Variants in RGS7 observed in about 807,000 individuals in gnomAD.
RGS7 encodes the protein regulator of G protein signaling 7.
A neutral mutation model predicts 81.1 loss-of-function variants in RGS7; 27 were observed. That is an observed-to-expected ratio of 0.33 (90% CI 0.25 to 0.46). The LOEUF (loss-of-function observed/expected upper bound fraction) is 0.46, where lower values mean the gene tolerates loss of function less well. Ranked by LOEUF, RGS7 falls within the 20% of genes least tolerant of loss-of-function variation. RGS7 has a pLI of 1.00. For missense variants in RGS7, 396 were observed against 607.4 expected (o/e 0.65, Z 3.66); for synonymous variants, 208 against 207.7 (o/e 1.00, Z -0.01).
Position 240,813,608 on chromosome 1 carries a change from T to C in RGS7, c.956+10A>G. 1 of 1,534,454 alleles carries C rather than the reference T, an allele frequency of 6.5e-7. No homozygotes were observed. Among genetic ancestry groups the C allele is most frequent in the East Asian group, 2.2e-5 (1 of 44,516 alleles). ...CAACATATGGGCGAGAAAGATAAAA[T>C]GCCACCTACCTTGCCTCAAGTTCCC... On this transcript the variant is annotated intron_variant, in intron 13 of 18. Transcript: ENST00000440928.
intron 6 of RGS7, among the ~76,000 whole-genome samples, chr1:240,881,887 A>C (rs1666450490): frequency 6.6e-6 from 1 of 152,058 alleles, no homozygotes; most frequent in Non-Finnish European, 1.5e-5. Context: ...AGAAAGGTGT[A>C]CTATGAACGT....
chr1:241,123,488 C>T (rs1175431981), intron 2 of RGS7, among the ~76,000 whole-genome samples: 1 of 152,190 alleles, frequency 6.6e-6, no homozygotes, highest in Admixed American at 6.5e-5. Flanking sequence ...CGGTGGCTCA[C>T]GCCTGTAATC....
At chr1:241,195,611 A>C (rs2073010513) in intron 2 of RGS7, among the ~76,000 whole-genome samples, 1 of 152,184 alleles carries the variant, frequency 6.6e-6, no homozygotes, top group African/African-American at 2.4e-5. Flanking sequence ...CAGTGATTAA[A>C]ATGTTTAAAA....
intron 2 of RGS7, among the ~76,000 whole-genome samples, chr1:241,303,122 T>C (rs375517601): frequency 7.6e-5 from 11 of 145,620 alleles, no homozygotes; most frequent in East Asian, 1.9e-4. Context: ...CTATCTGATA[T>C]GGTTTGGATT....
intron 9 of RGS7, among the ~76,000 whole-genome samples, chr1:240,856,164 A>C (rs1000746135): frequency 6.6e-6 from 1 of 152,212 alleles, no homozygotes; most frequent in African/African-American, 2.4e-5. Flanking sequence ...TCAAGTTTTT[A>C]ATAAAATGTA....
intron 3 of RGS7, among the ~76,000 whole-genome samples, chr1:241,043,425 G>A (rs1558638763): frequency 6.6e-6 from 1 of 150,966 alleles, no homozygotes; most frequent in East Asian, 1.9e-4. Flanking sequence ...TTTGTTATTT[G>A]CATTTTTCGT....
chr1:240,936,451 CTTTAG>C (rs1211227082), intron 5 of RGS7, 144 bp downstream of exon 5: 3 of 656,720 alleles, frequency 4.6e-6, no homozygotes, highest in Admixed American at 5.1e-5. Flanking sequence ...CTTTTTATGT[CTTTAG>C]TTTAATGTTA....
chr1:241,086,655 A>C (rs2063468856), intron 3 of RGS7, among the ~76,000 whole-genome samples: 1 of 152,082 alleles, frequency 6.6e-6, no homozygotes, highest in South Asian at 2.1e-4. Flanking sequence ...AAAAAGAAAA[A>C]CAAATACTGC....
At chr1:240,970,072 C>T (rs905317674) in intron 4 of RGS7, among the ~76,000 whole-genome samples, 27 of 152,068 alleles carry the variant, frequency 1.8e-4, no homozygotes, top group African/African-American at 5.8e-4. Flanking sequence ...GCTTTCTTGC[C>T]CCCTTCCTAC....
chr1:241,056,278 A>G (rs2061474147), intron 3 of RGS7, among the ~76,000 whole-genome samples: 1 of 152,130 alleles, frequency 6.6e-6, no homozygotes, highest in African/African-American at 2.4e-5. Flanking sequence ...CAATTCAAGT[A>G]TTACCTCCTG....
At chr1:241,137,216 T>TC (rs1236748810) in intron 2 of RGS7, among the ~76,000 whole-genome samples, 1 of 152,006 alleles carries the variant, frequency 6.6e-6, no homozygotes, top group Non-Finnish European at 1.5e-5. Context: ...CATTTTTTTT[T>TC]CCTTTTCTTT....
intron 3 of RGS7, among the ~76,000 whole-genome samples, chr1:241,005,880 A>G (rs2058667944): frequency 6.6e-6 from 1 of 152,170 alleles, no homozygotes; most frequent in South Asian, 2.1e-4. Flanking sequence ...ATTGTCATCC[A>G]TGTCATTACC....
intron 18 of RGS7, among the ~76,000 whole-genome samples, chr1:240,795,170 G>A (rs898532563): frequency 6.6e-6 from 1 of 151,020 alleles, no homozygotes; most frequent in African/African-American, 2.4e-5. Flanking sequence ...GACAACAAGA[G>A]CAAAACTCTG....
intron 4 of RGS7, among the ~76,000 whole-genome samples, chr1:240,982,432 A>G (rs1161176910): frequency 6.6e-6 from 1 of 151,318 alleles, no homozygotes; most frequent in African/African-American, 2.4e-5. Flanking sequence ...CAAAAAAAAA[A>G]AAAAAAAAAA....
intron 2 of RGS7, among the ~76,000 whole-genome samples, chr1:241,258,289 A>G (rs2077143061): frequency 6.6e-6 from 1 of 152,170 alleles, no homozygotes; most frequent in Admixed American, 6.5e-5. Context: ...TGTAGATAAA[A>G]CAAATTGACA....
chr1:241,354,124 T>C (rs2083417384), intron 2 of RGS7, among the ~76,000 whole-genome samples: 1 of 152,142 alleles, frequency 6.6e-6, no homozygotes, highest in Non-Finnish European at 1.5e-5. Context: ...ACTCTTCACA[T>C]TGTATACACC....
At chr1:241,189,382 T>C (rs1558170444) in intron 2 of RGS7, among the ~76,000 whole-genome samples, 2 of 152,194 alleles carry the variant, frequency 1.3e-5, no homozygotes, top group Non-Finnish European at 2.9e-5. Context: ...CTTACTGTTG[T>C]GTTAGAAGTT....
intron 2 of RGS7, among the ~76,000 whole-genome samples, chr1:241,134,656 A>G (rs550768677): frequency 6.6e-6 from 1 of 152,302 alleles, no homozygotes; most frequent in East Asian, 1.9e-4. Context: ...AAAGTGCCCT[A>G]CTTTTTCCCA....
intron 4 of RGS7, among the ~76,000 whole-genome samples, chr1:240,944,286 A>C (rs201887485): frequency 6.7e-5 from 1 of 14,860 alleles, no homozygotes; most frequent in Admixed American, 9.5e-4. Flanking sequence ...GTGTGTGTAT[A>C]TATATATATA....
Sources: allele counts gnomAD v4.1 joint callset (sites outside exome capture counted in the v4.1 genomes callset), GRCh38; gene constraint gnomAD v4.1.1; transcripts MANE v1.5; gene names NCBI Gene and HGNC (gene_info 2026-07-23, HGNC 2026-07-21).